HP: variants seen among roughly 807,000 people sequenced by gnomAD.
HP encodes haptoglobin, also known as haptoglobin alpha(1S)-beta.
In HP, 9 loss-of-function variants were observed where a neutral mutation model predicts 23.2. The ratio of observed to expected loss-of-function variants is 0.39; its 90% CI spans 0.23 to 0.68. The LOEUF (loss-of-function observed/expected upper bound fraction) is 0.68, where lower values mean the gene tolerates loss of function less well. Among genes scored for constraint, HP ranks in the 30% least tolerant of loss-of-function variants. The pLI is 0.47. For missense variants in HP, 433 were observed against 483.6 expected (o/e 0.90, Z 0.98); for synonymous variants, 155 against 183.3 (o/e 0.85, Z 1.25).
At chr16:72,055,868 C>G (rs1249282595) in intron 1 of HP, 1 of 439,974 alleles carries the variant, frequency 2.3e-6, no homozygotes, top group East Asian at 5.5e-5. Context: ...ACCCCTCCAC[C>G]TATGTGCCTT....
At chr16:72,055,027 C>G (rs1014721555) in intron 1 of HP, 2 of 411,212 alleles carry the variant, frequency 4.9e-6, no homozygotes, top group African/African-American at 4.0e-5. Context: ...ATTTGAATGA[C>G]ACAATTAATT....
At position 72,056,580 on chromosome 16, in the gene HP, T is replaced by G; in HGVS notation, c.139T>G (p.Ser47Ala). The G allele has an allele frequency of 6.3e-6, 9 of 1,421,250 alleles. No individual in the cohort carries two copies. Among genetic ancestry groups the G allele is most frequent in the Non-Finnish European group, 8.6e-6 (9 of 1,042,752 alleles). 88.0% of individuals were successfully genotyped at this position (1,421,250 alleles called of 1,614,324 possible). A position where few individuals can be genotyped will look rare whatever the true frequency, so the allele number is the denominator to read the frequency against. Residue 47 changes from serine (S) to alanine (A), a missense_variant, in exon 3 of 7, where the codon TCG (serine) becomes GCG (alanine). Around this residue, in one of 3 missense-constraint regions of HP, gnomAD observed 36 missense variants for 71.3 expected, o/e 0.50. Transcript: ENST00000355906. ...PEIAHGYVEH[S>A]VRYQCKNYYK... ...GATTGCACATGGCTATGTGGAGCAC[T>G]CGGTTCGCTACCAGTGTAAGAACTA...
Position 72,060,519 on chromosome 16 carries a change from T to A in HP, c.850T>A (p.Trp284Arg), listed in dbSNP as rs1321417148. The A allele has an allele frequency of 6.2e-7, 1 of 1,614,032 alleles. No homozygotes were observed. The highest frequency in any genetic ancestry group is 1.3e-5 in the African/African-American group (1 of 74,918). ...AGGGCGTGTGGGTTATGTTTCTGGC[T>A]GGGGGCGAAATGCCAATTTTAAATT... The part of the protein sequence containing the change: ...EVGRVGYVSG[W>R]GRNANFKFTD... The change falls in exon 7 of 7, where the codon TGG becomes AGG. Residue 284 changes from tryptophan to arginine, a missense_variant. Trp to Arg is a moderately radical substitution (Grantham distance 101). Around this residue, in one of 3 missense-constraint regions of HP, gnomAD observed 326 missense variants for 358.1 expected, o/e 0.91. Coordinates refer to ENST00000355906, the MANE Select transcript of HP (RefSeq NM_005143.5).
chr16:72,060,232 G>C lies in HP; in HGVS notation c.563G>C (p.Gly188Ala). ...GTTTCCCACCATAATCTCACCACAG[G>C]TGCCACGCTGATCAATGAACAATGG... ...KMVSHHNLTT[G>A]ATLINEQWLL... The change falls in exon 7 of 7, where the codon GGT becomes GCT. Residue 188 changes from glycine to alanine, a missense_variant. By Grantham distance (60) the Gly-to-Ala change is moderately conservative. Around this residue, in one of 3 missense-constraint regions of HP, gnomAD observed 326 missense variants for 358.1 expected, o/e 0.91. Transcript: ENST00000355906. 2 of 1,614,158 alleles carry C rather than the reference G, an allele frequency of 1.2e-6. No individual in the cohort carries two copies. The highest frequency in any genetic ancestry group is 2.7e-5 in the African/African-American group (2 of 75,038).
intron 3 of HP, chr16:72,056,989 C>T (rs1021201113): frequency 6.0e-5 from 21 of 348,056 alleles, no homozygotes; most frequent in East Asian, 4.1e-4. Flanking sequence ...GGGCTTTATA[C>T]TTATTTGCTC....
rs956177763 is a variant in HP, at chr16:72,054,518, G to C, written c.-135G>C. 6.4e-7 allele frequency: 1 copy of C among 1,550,864 alleles called. No homozygotes were observed. The highest frequency in any genetic ancestry group is 1.4e-5 in the African/African-American group (1 of 72,924). ...TGTGGTTTTGTTACTGGAAAAGATA[G>C]TGACCTTACCAGGGCCAAAGTTTGT... On this transcript the variant is annotated 5_prime_UTR_variant, in exon 1 of 7. Transcript: ENST00000355906.
chr16:72,059,516 A>C (rs890757518), intron 6 of HP: 1 of 365,792 alleles, frequency 2.7e-6, no homozygotes, highest in African/African-American at 2.1e-5. Flanking sequence ...TCAAGGAATG[A>C]CATAAAATCT....
At chr16:72,059,976 C>T (rs1182955759) in intron 6 of HP, 136 bp from the exon 7 acceptor site, 44 of 1,485,982 alleles carry the variant, frequency 3.0e-5, no homozygotes, top group Non-Finnish European at 3.4e-5. Flanking sequence ...GAAATGAGAT[C>T]AGCAGGTGGT....
chr16:72,054,551 G>A lies in HP; in HGVS notation c.-102G>A. On this transcript the variant is annotated 5_prime_UTR_variant, in exon 1 of 7. Coordinates refer to ENST00000355906, the MANE Select transcript of HP (RefSeq NM_005143.5). ...ACCAGGGCCAAAGTTTGTAGACACA[G>A]GAATTACGAAATGGAGAAGGGGGAG... is the stretch of plus-strand genomic sequence containing the variant. The A allele has an allele frequency of 1.3e-6, 2 of 1,578,932 alleles. No homozygotes were observed. Among genetic ancestry groups the A allele is most frequent in the Non-Finnish European group, 1.7e-6 (2 of 1,160,776 alleles).
At chr16:72,059,036 CT>C (rs1317607072) in intron 5 of HP, 77 bp from the exon 6 acceptor site, 1 of 1,385,316 alleles carries the variant, frequency 7.2e-7, no homozygotes, top group Non-Finnish European at 1.0e-6. Flanking sequence ...TTTAGTTCTT[CT>C]CTTTAAATGC....
chr16:72,056,277 ACT>A (rs1284958919), intron 2 of HP, 34 bp downstream of exon 2: 6 of 1,598,050 alleles, frequency 3.8e-6, no homozygotes, highest in South Asian at 1.1e-5. Flanking sequence ...TGTGCATCCC[ACT>A]CTGACCCTCT....
rs372601533 is a variant in HP at position 72,056,162 on chromosome 16, G to A, written c.7G>A (p.Ala3Thr). Residue 3 changes from alanine to threonine, a missense_variant and splice_region_variant, in exon 2 of 7, where the codon GCC becomes ACC. Ala to Thr is a moderately conservative substitution (Grantham distance 58). Transcript: ENST00000355906. MS[A>T]LGAVIALLLW... ...CTCCTCCTTGTCTTCTCTCTGCAGT[G>A]CCCTGGGAGCTGTCATTGCCCTCCT... is the stretch of plus-strand genomic sequence containing the variant. 5.0e-6 allele frequency: 8 copies of A among 1,613,768 alleles called. No homozygotes were observed. The highest frequency in any genetic ancestry group is 6.8e-6 in the Non-Finnish European group (8 of 1,179,910).
Position 72,059,195 on chromosome 16 carries a change from G to A in HP, c.442+7G>A, listed in dbSNP as rs1402519796. 6.4e-7 allele frequency: 1 copy of A among 1,556,536 alleles called. No individual in the cohort carries two copies. The highest frequency in any genetic ancestry group is 8.7e-7 in the Non-Finnish European group (1 of 1,145,114). On this transcript the variant is annotated splice_region_variant and intron_variant, in intron 6 of 6. Coordinates refer to ENST00000355906, the MANE Select transcript of HP (RefSeq NM_005143.5). The stretch of plus-strand genomic sequence containing the variant: ...CTTCCTGAATGTGAAGCAGGTGGGT[G>A]CTGAGCACTTAAGAGAGCAGGCAGG...
chr16:72,054,793 T>G (rs1212523275), intron 1 of HP, 136 bp downstream of exon 1: 11 of 1,407,722 alleles, frequency 7.8e-6, no homozygotes, highest in Non-Finnish European at 1.1e-5. Context: ...AAGGGCTTAG[T>G]GTGTTAAATC....
rs1179002989 is a variant in HP, at chr16:72,056,250, C to A, written c.88+7C>A. 1 of 1,613,588 alleles carries A rather than the reference C, an allele frequency of 6.2e-7. No homozygotes were observed. ...GATGTCACGGATATCGCAGGTCAGT[C>A]TTTGGTTGGGTAGGAGTGTGCATCC... On this transcript the variant is annotated splice_region_variant and intron_variant, in intron 2 of 6. Transcript: ENST00000355906.
rs1399414376 is a variant in HP at position 72,056,143 on chromosome 16, C to T, written c.6-18C>T. The T allele has an allele frequency of 6.2e-7, 1 of 1,611,626 alleles. No individual in the cohort carries two copies. Among genetic ancestry groups the T allele is most frequent in the Non-Finnish European group, 8.5e-7 (1 of 1,178,334 alleles). On this transcript the variant is annotated intron_variant, in intron 1 of 6. Coordinates refer to ENST00000355906, the MANE Select transcript of HP (RefSeq NM_005143.5). ...CAGGGAGACTAGCTTTCCACTCCTC[C>T]TTGTCTTCTCTCTGCAGTGCCCTGG...
In HP at chr16:72,060,337, T is replaced by C; in HGVS notation, c.668T>C (p.Leu223Pro). 6 of 1,613,952 alleles carry C rather than the reference T, an allele frequency of 3.7e-6. No individual in the cohort carries two copies. Among genetic ancestry groups the C allele is most frequent in the Non-Finnish European group, 5.1e-6 (6 of 1,180,002 alleles). Residue 223 changes from leucine to proline, a missense_variant, in exon 7 of 7, where the codon CTC becomes CCC. By Grantham distance (98) the Leu-to-Pro change is moderately conservative. Transcript: ENST00000355906. ...AAAGACATTGCCCCTACTTTAACAC[T>C]CTATGTGGGGAAAAAGCAGCTTGTA... The part of the protein sequence containing the change: ...TAKDIAPTLT[L>P]YVGKKQLVEI...
intron 1 of HP, chr16:72,055,655 A>C (rs2041448011): frequency 5.4e-6 from 1 of 186,682 alleles, no homozygotes; most frequent in Admixed American, 5.3e-5. Context: ...CCACGTGTTT[A>C]AAATTATATA....
intron 1 of HP, chr16:72,054,955 A>G (rs1481531212): frequency 7.0e-6 from 4 of 574,886 alleles, no homozygotes; most frequent in Non-Finnish European, 9.3e-6. Context: ...CATCCTGAGT[A>G]TATTTATTAG....
Sources: allele counts gnomAD v4.1 joint callset, GRCh38; gene constraint gnomAD v4.1.1; regional missense constraint gnomAD v4.1.1; transcripts MANE v1.5; gene names NCBI Gene and HGNC (gene_info 2026-07-23, HGNC 2026-07-21).